NFKBIL1: variants seen among roughly 807,000 people sequenced by gnomAD.
NFKBIL1 encodes NFKB inhibitor like 1.
Under a neutral mutation model 45.4 loss-of-function variants are expected in NFKBIL1, and 30 were observed. That is an observed-to-expected ratio of 0.66 (90% CI 0.49 to 0.90). The LOEUF (loss-of-function observed/expected upper bound fraction) is 0.90, where lower values mean the gene tolerates loss of function less well. NFKBIL1 is among the 40% of genes least tolerant of loss of function. The probability of loss-of-function intolerance (pLI) is 0.00; values close to 1 mark genes in which losing one functional copy is unlikely to be tolerated. For synonymous variants in NFKBIL1, 179 were observed against 197.3 expected (o/e 0.91, Z 0.78); for missense variants, 434 against 513.4 (o/e 0.85, Z 1.49).
At chr6:31,550,329 C>G (rs1769358644) in intron 2 of NFKBIL1, among the ~76,000 whole-genome samples, 1 of 152,098 alleles carries the variant, frequency 6.6e-6, no homozygotes, top group Non-Finnish European at 1.5e-5. Context: ...AGGAAAACCT[C>G]TAGATCCAGA....
In NFKBIL1 at chr6:31,557,243, G is replaced by A. The variant is rs939530200; in HGVS notation, c.335-385G>A. On this transcript the variant is annotated intron_variant, in intron 2 of 3. Transcript: ENST00000376148. This position sits in a 1 kb window ranked among gnomAD's most constrained non-coding sequence, Gnocchi z 5.4. ...CTGCCTCAGCCTGCCGAGTAGCTGG[G>A]ACTGCAGGCGCCCGCCACCAGGCCT... 1.3e-5 allele frequency among the ~76,000 whole-genome samples: 2 copies of A among 152,022 alleles called. No individual in the cohort carries two copies. The highest frequency in any genetic ancestry group is 4.8e-5 in the African/African-American group (2 of 41,388).
chr6:31,549,530 G>A (rs573729644), intron 2 of NFKBIL1, among the ~76,000 whole-genome samples: 1 of 150,398 alleles, frequency 6.6e-6, no homozygotes, highest in South Asian at 2.1e-4. Flanking sequence ...GGGATTACAG[G>A]TGTGAGCCAC....
At chr6:31,551,380 T>G (rs1769421336) in intron 2 of NFKBIL1, among the ~76,000 whole-genome samples, 1 of 152,206 alleles carries the variant, frequency 6.6e-6, no homozygotes, top group South Asian at 2.1e-4. Context: ...CATTTACAGA[T>G]GAGGAAAGCA....
chr6:31,551,957 C>G (rs920080833), intron 2 of NFKBIL1, among the ~76,000 whole-genome samples: 1 of 151,956 alleles, frequency 6.6e-6, no homozygotes, highest in Non-Finnish European at 1.5e-5. Flanking sequence ...CCACCATGCC[C>G]GACTAACTTT....
At chr6:31,555,383 A>G (rs1195595940) in intron 2 of NFKBIL1, among the ~76,000 whole-genome samples, 1 of 150,150 alleles carries the variant, frequency 6.7e-6, no homozygotes, top group Non-Finnish European at 1.5e-5. Flanking sequence ...GATTACAGGC[A>G]CATGCTACCA....
chr6:31,553,343 G>A (rs991523301), intron 2 of NFKBIL1, among the ~76,000 whole-genome samples: 1 of 151,804 alleles, frequency 6.6e-6, no homozygotes, highest in African/African-American at 2.4e-5. Context: ...CTGACCAGGT[G>A]AACTATTTTA....
chr6:31,548,562 A>G, intron 2 of NFKBIL1, 123 bp downstream of exon 2: 2 of 1,105,086 alleles, frequency 1.8e-6, no homozygotes, highest in East Asian at 3.0e-5. Context: ...GAGTTAACCA[A>G]GTTGGCATGT....
intron 2 of NFKBIL1, among the ~76,000 whole-genome samples, chr6:31,555,552 C>T (rs997754069): frequency 8.0e-5 from 12 of 149,082 alleles, no homozygotes; most frequent in Non-Finnish European, 1.2e-4. Flanking sequence ...TTTTTTCCAA[C>T]CATAGGATTT....
intron 1 of NFKBIL1, 144 bp from the exon 2 acceptor site, chr6:31,548,019 C>T (rs958628230): frequency 2.7e-5 from 30 of 1,124,878 alleles, no homozygotes; most frequent in Non-Finnish European, 3.0e-5. Flanking sequence ...GATAAAGGAT[C>T]AGGGTTAGGT....
rs772749122 is a variant in NFKBIL1, at chr6:31,555,609, C to CTTTT, written c.335-1998_335-1995dup. Among the ~76,000 whole-genome samples, 175 of 72,280 alleles carry CTTTT rather than the reference C, an allele frequency of 2.4e-3. 8 individuals carry two copies. The highest frequency in any genetic ancestry group is 5.0e-3 in the South Asian group (9 of 1,788). The allele number at this position is 72,280 out of a possible 152,430, so 47.4% of individuals were successfully genotyped here. A position where few individuals can be genotyped will look rare whatever the true frequency, so the allele number is the denominator to read the frequency against. ...ATTATCTGATCCTCTCTCTCTCTCTCTTTTTTTTTTTTTTTTTTTTTTTTG... is the reference window on the plus strand; with the variant it reads ...ATTATCTGATCCTCTCTCTCTCTCTCTTTTTTTTTTTTTTTTTTTTTTTTTTTTG... On this transcript the variant is annotated intron_variant, in intron 2 of 3. Coordinates refer to ENST00000376148, the MANE Select transcript of NFKBIL1 (RefSeq NM_005007.4).
In NFKBIL1 at chr6:31,557,896, T is replaced by C; in HGVS notation, c.556+47T>C. ...ACAGCTGCCCTTCCCCACTGGCTGC[T>C]TTCCATCTGCATGAATGCGTCACAC... On this transcript the variant is annotated intron_variant, in intron 3 of 3. Transcript: ENST00000376148. The surrounding 1 kb of genome is among the most constrained non-coding windows in gnomAD (Gnocchi z 5.4). 6.5e-7 allele frequency: 1 copy of C among 1,536,170 alleles called. No individual in the cohort carries two copies. Among genetic ancestry groups the C allele is most frequent in the Non-Finnish European group, 8.8e-7 (1 of 1,131,832 alleles).
chr6:31,549,118 C>T (rs919418456), intron 2 of NFKBIL1, among the ~76,000 whole-genome samples: 5 of 152,084 alleles, frequency 3.3e-5, no homozygotes, highest in Admixed American at 1.3e-4. Context: ...TTGATTGTGC[C>T]CATGTTCAGA....
upstream of NFKBIL1, chr6:31,546,958 T>C (rs1769058714): frequency 2.0e-5 from 4 of 204,656 alleles, no homozygotes; most frequent in Non-Finnish European, 3.0e-5. The surrounding 1 kb of genome is among the most constrained non-coding windows in gnomAD (Gnocchi z 4.1). Flanking sequence ...TAAAGGGTTG[T>C]GAATGCGGTG....
intron 2 of NFKBIL1, 34 bp downstream of exon 2, chr6:31,548,473 C>T (rs1391378056): frequency 6.8e-7 from 1 of 1,468,014 alleles, no homozygotes; most frequent in African/African-American, 1.4e-5. Context: ...AGGTCATAAG[C>T]AGCTGACCAG....
intron 2 of NFKBIL1, chr6:31,556,623 G>C (rs1470684344): frequency 6.7e-6 from 3 of 449,426 alleles, no homozygotes; most frequent in Non-Finnish European, 1.4e-5. Flanking sequence ...CAGGAACGTC[G>C]GTTCCTCTCC....
In NFKBIL1 at chr6:31,556,116, A is replaced by C. The variant is rs1769724961; in HGVS notation, c.335-1512A>C. Reference sequence around the variant, plus strand: ...GCAAGCCTGAGCACTCACCATGCTCACCACCTGAGCTCAGGTGGGGAACAA... The same window carrying C: ...GCAAGCCTGAGCACTCACCATGCTCCCCACCTGAGCTCAGGTGGGGAACAA... On this transcript the variant is annotated intron_variant, in intron 2 of 3. Transcript: ENST00000376148. Among the ~76,000 whole-genome samples the C allele has an allele frequency of 2.6e-5, 4 of 151,916 alleles. No homozygotes were observed. The South Asian group carries it at 8.3e-4, about 32-fold the overall frequency.
At chr6:31,547,780 A>G in intron 1 of NFKBIL1, 29 bp downstream of exon 1, 1 of 1,557,266 alleles carries the variant, frequency 6.4e-7, no homozygotes, top group Non-Finnish European at 8.8e-7. Flanking sequence ...CTAGATCATT[A>G]TTGGAGATTA....
At chr6:31,555,641 A>T in intron 2 of NFKBIL1, among the ~76,000 whole-genome samples, 1 of 106,952 alleles carries the variant, frequency 9.3e-6, no homozygotes, top group Non-Finnish European at 1.8e-5. Flanking sequence ...TTTGAGATAG[A>T]GTCTCACCCT....
chr6:31,558,719 A>G lies in NFKBIL1; in HGVS notation c.*108A>G, dbSNP rs1475486392. 1 of 939,756 alleles carries G rather than the reference A, an allele frequency of 1.1e-6. No homozygotes were observed. The highest frequency in any genetic ancestry group is 1.5e-6 in the Non-Finnish European group (1 of 646,298). The allele number at this position is 939,756 out of a possible 1,614,324, so 58.2% of individuals were successfully genotyped here. A position where few individuals can be genotyped will look rare whatever the true frequency, so the allele number is the denominator to read the frequency against. Reference sequence around the variant, plus strand: ...AAGGAAGAGCCAGGTGCTGCTCAGCAGAGGATATGGGTGGGAGCGAAAGTT... The same window carrying G: ...AAGGAAGAGCCAGGTGCTGCTCAGCGGAGGATATGGGTGGGAGCGAAAGTT... On this transcript the variant is annotated 3_prime_UTR_variant, in exon 4 of 4. Transcript: ENST00000376148. This position sits in a 1 kb window ranked among gnomAD's most constrained non-coding sequence, Gnocchi z 7.2.
Sources: allele counts gnomAD v4.1 joint callset (sites outside exome capture counted in the v4.1 genomes callset), GRCh38; gene constraint gnomAD v4.1.1; non-coding constraint Gnocchi (gnomAD v3.1); transcripts MANE v1.5; gene names NCBI Gene and HGNC (gene_info 2026-07-23, HGNC 2026-07-21).